Variants in SPATA33 observed in about 807,000 individuals in gnomAD.
SPATA33 encodes spermatogenesis-associated protein 33.
SPATA33 carries 10 observed loss-of-function variants against 8.9 expected under a neutral mutation model. The ratio of observed to expected loss-of-function variants is 1.12; its 90% CI spans 0.69 to 1.90. The LOEUF (loss-of-function observed/expected upper bound fraction) is 1.90. Among genes scored for constraint, SPATA33 ranks in the 40% most tolerant of loss-of-function variants. SPATA33 has a pLI of 0.00. For missense variants in SPATA33, 241 were observed against 178.3 expected (o/e 1.35, Z -2.00); for synonymous variants, 96 against 72.8 (o/e 1.32, Z -1.63).
chr16:89,660,142 G>A (rs71396950), intron 2 of SPATA33: 8,703 of 184,342 alleles, frequency 0.047, 285 homozygotes, highest in Non-Finnish European at 0.073. Flanking sequence ...CAAAGACTTT[G>A]CGTGTCTCTT....
intron 2 of SPATA33, chr16:89,660,189 G>C: frequency 4.3e-6 from 1 of 234,514 alleles, no homozygotes. Flanking sequence ...CCCGATGAGT[G>C]TACAGCCCCC....
chr16:89,668,139 C>G lies in SPATA33; in HGVS notation c.212-1147C>G, dbSNP rs560275351. The G allele has an allele frequency of 9.2e-5, 14 of 152,382 alleles. 1 individual carries two copies. The East Asian group carries it at 2.7e-3, about 29-fold the overall frequency. 9.4% of individuals were successfully genotyped at this position (152,382 alleles called of 1,614,324 possible). On this transcript the variant is annotated intron_variant, in intron 2 of 2. Transcript: ENST00000579310. ...CCAGCCTGGCCAACATGGAGAAACCCTGTCTCTACTAATAATACAAAAATT... is the reference window on the plus strand; with the variant it reads ...CCAGCCTGGCCAACATGGAGAAACCGTGTCTCTACTAATAATACAAAAATT...
intron 2 of SPATA33, among the ~76,000 whole-genome samples, chr16:89,665,605 C>T (rs545595847): frequency 2.0e-5 from 3 of 152,200 alleles, no homozygotes; most frequent in African/African-American, 4.8e-5. Context: ...TGAGCCACTG[C>T]GTCTGGCCTA....
At chr16:89,657,830 C>T (rs959539672), upstream of SPATA33, 7 of 1,513,288 alleles carry the variant, frequency 4.6e-6, no homozygotes, top group African/African-American at 4.4e-5. Context: ...GGCGCGAGGA[C>T]CTTTTGTGAG....
chr16:89,661,114 A>G (rs1568011576), intron 2 of SPATA33: 2 of 985,402 alleles, frequency 2.0e-6, no homozygotes, highest in Admixed American at 6.2e-5. Context: ...GGTTTGGGGT[A>G]AGTTACTATG....
intron 2 of SPATA33, among the ~76,000 whole-genome samples, chr16:89,666,628 C>G (rs895034697): frequency 9.2e-5 from 14 of 152,138 alleles, no homozygotes; most frequent in African/African-American, 3.4e-4. Flanking sequence ...AGATAAAAGA[C>G]AGCTGGGCCC....
Position 89,669,381 on chromosome 16 carries a change from A to G in SPATA33, c.307A>G (p.Ser103Gly), listed in dbSNP as rs748743588. The G allele has an allele frequency of 6.2e-7, 1 of 1,614,214 alleles. No homozygotes were observed. The highest frequency in any genetic ancestry group is 1.1e-5 in the South Asian group (1 of 91,084). Residue 103 changes from serine to glycine, a missense_variant, in exon 3 of 3, where the codon AGT becomes GGT. Transcript: ENST00000579310. The stretch of plus-strand genomic sequence containing the variant: ...GTCGAATGAGACGCTAGTCAGTTGC[A>G]GTTCCAGCGGGAGTGACCAGCAGAG... ...RASNETLVSC[S>G]SSGSDQQRTI...
intron 2 of SPATA33, among the ~76,000 whole-genome samples, chr16:89,665,351 G>T (rs1206035277): frequency 1.3e-5 from 2 of 150,708 alleles, no homozygotes; most frequent in East Asian, 3.9e-4. Context: ...CGCCACCCAG[G>T]CTGGACTGCA....
chr16:89,662,419 C>CT (rs879635140), intron 2 of SPATA33, among the ~76,000 whole-genome samples: 134 of 144,742 alleles, frequency 9.3e-4, no homozygotes, highest in South Asian at 4.2e-3. Flanking sequence ...TGTTTGAACA[C>CT]TTTTTTTTTT....
At chr16:89,659,384 A>T (rs1211754505) in intron 2 of SPATA33, 1 of 152,308 alleles carries the variant, frequency 6.6e-6, no homozygotes, top group Non-Finnish European at 1.5e-5. Flanking sequence ...CACAAGAATG[A>T]ACCACTCGGC....
chr16:89,663,317 G>A (rs2059987174), intron 2 of SPATA33, among the ~76,000 whole-genome samples: 1 of 149,454 alleles, frequency 6.7e-6, no homozygotes, highest in Non-Finnish European at 1.5e-5. Context: ...CCGGGTTCAA[G>A]CAATTCTACC....
chr16:89,664,462 A>T (rs534406971), intron 2 of SPATA33, among the ~76,000 whole-genome samples: 10 of 152,060 alleles, frequency 6.6e-5, no homozygotes, highest in Admixed American at 5.9e-4. Context: ...CGATTAGCTC[A>T]CTCATCCATT....
intron 2 of SPATA33, among the ~76,000 whole-genome samples, chr16:89,662,994 A>G (rs916040021): frequency 4.0e-5 from 6 of 149,194 alleles, no homozygotes; most frequent in Admixed American, 2.7e-4. Flanking sequence ...GGGTTTCACC[A>G]TGTTGGTCAG....
intron 2 of SPATA33, among the ~76,000 whole-genome samples, chr16:89,662,835 C>T (rs1000251385): frequency 5.3e-5 from 8 of 151,854 alleles, no homozygotes; most frequent in African/African-American, 1.9e-4. Flanking sequence ...GCTCTGTTGC[C>T]CAGGCTGGAG....
At position 89,658,264 on chromosome 16, in the gene SPATA33, G is replaced by C. The variant is rs759041299; in HGVS notation, c.54G>C (p.Lys18Asn). 14 of 1,614,188 alleles carry C rather than the reference G, an allele frequency of 8.7e-6. No individual in the cohort carries two copies. Among genetic ancestry groups the C allele is most frequent in the Non-Finnish European group, 1.2e-5 (14 of 1,180,026 alleles). Residue 18 changes from lysine to asparagine, a missense_variant, in exon 2 of 3, where the codon AAG becomes AAC. Lys to Asn is a moderately conservative substitution (Grantham distance 94). Coordinates refer to ENST00000579310, the MANE Select transcript of SPATA33 (RefSeq NM_001271907.2). ...ATATTTCAGGTGAGGAGCAAAAGAA[G>C]GGATCCACCTATTCAGTTCCAAAAT... ...EKPRKGEEQK[K>N]GSTYSVPKSK...
intron 2 of SPATA33, chr16:89,660,143 C>T (rs376077973): frequency 1.6e-5 from 3 of 184,828 alleles, no homozygotes; most frequent in African/African-American, 2.3e-5. Flanking sequence ...AAAGACTTTG[C>T]GTGTCTCTTC....
chr16:89,661,939 C>T (rs575424097), intron 2 of SPATA33, among the ~76,000 whole-genome samples: 1 of 152,140 alleles, frequency 6.6e-6, no homozygotes, highest in South Asian at 2.1e-4. Context: ...AAACACAATC[C>T]CTATCTAATA....
rs1370606897 is a variant in SPATA33 at position 89,657,939 on chromosome 16, C to T, written c.28C>T (p.Pro10Ser). ...GGGCCTTTCCAAAAGCAAAGAGAAA[C>T]CCAGGAAAGGTAAAGGAGGCGCAGG... MGLSKSKEK[P>S]RKGEEQKKGS... is the part of the protein sequence containing the mutation. Residue 10 changes from proline to serine, a missense_variant, in exon 1 of 3, where the codon CCC becomes TCC. Coordinates refer to ENST00000579310, the MANE Select transcript of SPATA33 (RefSeq NM_001271907.2). The T allele has an allele frequency of 1.3e-6, 2 of 1,517,452 alleles. No individual in the cohort carries two copies. The highest frequency in any genetic ancestry group is 2.6e-5 in the East Asian group (1 of 38,484). 94.0% of individuals were successfully genotyped at this position (1,517,452 alleles called of 1,614,324 possible).
Position 89,658,304 on chromosome 16 carries a change from A to C in SPATA33, c.94A>C (p.Met32Leu). The change falls in exon 2 of 3, where the codon ATG (methionine) becomes CTG (leucine). Residue 32 changes from methionine (M) to leucine (L), a missense_variant. Met to Leu is a conservative substitution (Grantham distance 15). Transcript: ENST00000579310. The stretch of plus-strand genomic sequence containing the variant: ...AGTTCCAAAATCTAAGGAGAAGTTG[A>C]TGGAGAAGCATTCCCAGGAAGCCAG... ...YSVPKSKEKL[M>L]EKHSQEARQA... 1.2e-6 allele frequency: 2 copies of C among 1,614,160 alleles called. No homozygotes were observed. The highest frequency in any genetic ancestry group is 1.7e-6 in the Non-Finnish European group (2 of 1,180,034).
Sources: allele counts gnomAD v4.1 joint callset (sites outside exome capture counted in the v4.1 genomes callset), GRCh38; gene constraint gnomAD v4.1.1; transcripts MANE v1.5; gene names NCBI Gene and HGNC (gene_info 2026-07-23, HGNC 2026-07-21).